The following DNAAF9 variants were observed in gnomAD, a reference collection of about 807,000 sequenced individuals.
DNAAF9 encodes dynein axonemal assembly factor 9, also known as shulin.
Under a neutral mutation model 167.0 loss-of-function variants are expected in DNAAF9, and 90 were observed. The observed-to-expected ratio is 0.54, with a 90% confidence interval of 0.45 to 0.64. The LOEUF (loss-of-function observed/expected upper bound fraction) is 0.64. DNAAF9 is among the 30% of genes least tolerant of loss of function. The pLI is 0.00. For synonymous variants in DNAAF9, 491 were observed against 508.8 expected, an observed-to-expected ratio of 0.96 and a Z score of 0.47; for missense variants, 1,315 against 1,442.2, an observed-to-expected ratio of 0.91 and a Z score of 1.43.
intron 23 of DNAAF9, chr20:3,296,296 G>A (rs926158613): frequency 5.2e-6 from 2 of 383,370 alleles, no homozygotes; most frequent in African/African-American, 2.1e-5. Flanking sequence ...GACGGGCCCG[G>A]CGCCCAACAC....
intron 16 of DNAAF9, among the ~76,000 whole-genome samples, chr20:3,319,960 T>A (rs575056419): frequency 6.6e-6 from 1 of 152,202 alleles, no homozygotes; most frequent in Non-Finnish European, 1.5e-5. Flanking sequence ...GGCAATCCTA[T>A]GTCTTTGGTT....
At position 3,376,291 on chromosome 20, in the gene DNAAF9, A is replaced by G. The variant is rs1425783297; in HGVS notation, c.295T>C (p.Leu99=). The change falls in exon 4 of 37, where the codon TTG becomes CTG. Residue 99 remains leucine (L), a synonymous_variant. Coordinates refer to ENST00000252032, the MANE Select transcript of DNAAF9 (RefSeq NM_001009984.3). ...AGATGGACGCTATCCGATTTAATCA[A>G]TATAATTACATCTGTAAGAAAAACA... ...SEEVLDDVII[L]IKSDSVHLYC... 28 of 1,605,948 alleles carry G rather than the reference A, an allele frequency of 1.7e-5. No individual in the cohort carries two copies. Among genetic ancestry groups the G allele is most frequent in the Non-Finnish European group, 2.0e-5 (24 of 1,176,550 alleles).
At chr20:3,310,388 A>AGAAAGAAAGAAT (rs1491207193) in intron 20 of DNAAF9, among the ~76,000 whole-genome samples, 134 of 151,174 alleles carry the variant, frequency 8.9e-4, no homozygotes, top group Middle Eastern at 3.4e-3. Flanking sequence ...AAAGAAAGAA[A>AGAAAGAAAGAAT]GAATTCCTAA....
In DNAAF9 at chr20:3,340,588, G is replaced by C. The variant is rs369781510; in HGVS notation, c.897C>G (p.Asn299Lys). ...VLFGNHSTRENLNAGNFNFPS... is the reference protein window; with the variant it reads ...VLFGNHSTREKLNAGNFNFPS... Reference sequence around the variant, plus strand: ...GGAAGTTAAAGTTGCCAGCATTCAGGTTTTCTCGTGTGGAGTGATTACCAA... The same window carrying C: ...GGAAGTTAAAGTTGCCAGCATTCAGCTTTTCTCGTGTGGAGTGATTACCAA... Residue 299 changes from asparagine (N) to lysine (K), a missense_variant, in exon 10 of 37, where the codon AAC becomes AAG. By Grantham distance (94) the Asn-to-Lys change is moderately conservative. Transcript: ENST00000252032. 30 of 1,613,774 alleles carry C rather than the reference G, an allele frequency of 1.9e-5. No homozygotes were observed. The African/African-American group carries it at 3.6e-4, about 19-fold the overall frequency.
At position 3,250,172 on chromosome 20, in the gene DNAAF9, G is replaced by A. The variant is rs1419201581; in HGVS notation, c.*2400C>T. ...CTGGGTCCCTGGATCCACTTCTAAG[G>A]TCAAAAGCAGTGTCATGGCCATTCC... On this transcript the variant is annotated 3_prime_UTR_variant, in exon 37 of 37. Transcript: ENST00000252032. 6.6e-6 allele frequency: 1 copy of A among 152,218 alleles called. No homozygotes were observed. Among genetic ancestry groups the A allele is most frequent in the African/African-American group, 2.4e-5 (1 of 41,440 alleles). The allele number at this position is 152,218 out of a possible 1,614,324, so 9.4% of individuals were successfully genotyped here. A position where few individuals can be genotyped will look rare whatever the true frequency, so the allele number is the denominator to read the frequency against.
Position 3,264,480 on chromosome 20 carries a change from C to T in DNAAF9, c.2831G>A (p.Ser944Asn), listed in dbSNP as rs746841970. 6.4e-7 allele frequency: 1 copy of T among 1,570,518 alleles called. No individual in the cohort carries two copies. Among genetic ancestry groups the T allele is most frequent in the Non-Finnish European group, 8.8e-7 (1 of 1,140,442 alleles). The change falls in exon 31 of 37, where the codon AGT (serine) becomes AAT (asparagine). Residue 944 changes from serine (S) to asparagine (N), a missense_variant. By Grantham distance (46) the Ser-to-Asn change is conservative (BLOSUM62 1). Around this residue, in one of 2 missense-constraint regions of DNAAF9, gnomAD observed 334 missense variants for 429.7 expected, o/e 0.78. Transcript: ENST00000252032. ...ELILSENSFSSPEMLRSRYLM... is the reference protein window; with the variant it reads ...ELILSENSFSNPEMLRSRYLM... ...ATATCGAGATCGTAGCATCTCAGGA[C>T]TTGAAAAACTGTTTTCTGAGAGAAT...
At chr20:3,352,596 C>T (rs1045910164) in intron 7 of DNAAF9, among the ~76,000 whole-genome samples, 1 of 152,104 alleles carries the variant, frequency 6.6e-6, no homozygotes, top group African/African-American at 2.4e-5. Flanking sequence ...GGCTGTGTGA[C>T]CCTGGGCAAG....
chr20:3,253,169 C>T (rs111247059), intron 36 of DNAAF9, among the ~76,000 whole-genome samples: 6,350 of 152,166 alleles, frequency 0.042, 196 homozygotes, highest in African/African-American at 0.085. Context: ...AAGCTGGGCG[C>T]GGTGGCTCAT....
intron 1 of DNAAF9, among the ~76,000 whole-genome samples, chr20:3,398,719 T>C (rs1485180483): frequency 6.6e-6 from 1 of 152,240 alleles, no homozygotes; most frequent in Non-Finnish European, 1.5e-5. Flanking sequence ...TATATTGGCA[T>C]TAATCTAGAC....
chr20:3,322,408 G>A lies in DNAAF9; in HGVS notation c.1311-146C>T, dbSNP rs914033248. On this transcript the variant is annotated intron_variant, in intron 15 of 36. Transcript: ENST00000252032. ...TTTCAAAACACTGGGTTGCATGTCT[G>A]TAGAATTGGTATGTGGGCCACTAAG... The A allele has an allele frequency of 2.5e-5, 19 of 761,480 alleles. No individual in the cohort carries two copies. In the African/African-American group the frequency reaches 2.9e-4, roughly 12 times the overall value. The allele number at this position is 761,480 out of a possible 1,614,324, so 47.2% of individuals were successfully genotyped here. A position where few individuals can be genotyped will look rare whatever the true frequency, so the allele number is the denominator to read the frequency against.
intron 1 of DNAAF9, among the ~76,000 whole-genome samples, chr20:3,406,724 C>T (rs574666994): frequency 9.2e-5 from 14 of 152,230 alleles, no homozygotes; most frequent in South Asian, 6.2e-4. Flanking sequence ...GCCTGGCGTC[C>T]GCCGCTTTCG....
At chr20:3,347,391 A>G (rs2070213264) in intron 8 of DNAAF9, among the ~76,000 whole-genome samples, 1 of 152,204 alleles carries the variant, frequency 6.6e-6, no homozygotes. Flanking sequence ...ACCACAAAAA[A>G]ATATTAAAGA....
chr20:3,264,401 A>C (rs764196098), intron 31 of DNAAF9, 37 bp downstream of exon 31: 1 of 918,974 alleles, frequency 1.1e-6, no homozygotes, highest in Admixed American at 2.0e-5. Flanking sequence ...TTGGGTTTAC[A>C]AAAAAATCTT....
chr20:3,357,791 C>G (rs117508471), intron 7 of DNAAF9, among the ~76,000 whole-genome samples: 3 of 151,586 alleles, frequency 2.0e-5, no homozygotes, highest in Non-Finnish European at 4.4e-5. Flanking sequence ...CTCTGCCTCC[C>G]GGGTTCCAGC....
At chr20:3,343,963 A>G (rs1475769969) in intron 8 of DNAAF9, among the ~76,000 whole-genome samples, 1 of 152,140 alleles carries the variant, frequency 6.6e-6, no homozygotes, top group Non-Finnish European at 1.5e-5. Context: ...TAATAGCAAT[A>G]TGAATTTTAG....
At chr20:3,383,001 T>C (rs1016604934) in intron 1 of DNAAF9, among the ~76,000 whole-genome samples, 7 of 152,166 alleles carry the variant, frequency 4.6e-5, no homozygotes, top group African/African-American at 1.7e-4. Flanking sequence ...GCTATCCATA[T>C]AGGGAGTGTC....
chr20:3,395,997 A>G (rs1022654578), intron 1 of DNAAF9, among the ~76,000 whole-genome samples: 1 of 152,158 alleles, frequency 6.6e-6, no homozygotes, highest in Non-Finnish European at 1.5e-5. Context: ...ATGACAGCGA[A>G]TAAGTCCCAT....
intron 8 of DNAAF9, among the ~76,000 whole-genome samples, chr20:3,344,171 T>C (rs554720131): frequency 7.9e-5 from 12 of 152,302 alleles, no homozygotes; most frequent in South Asian, 2.1e-4. Context: ...TACATTAATA[T>C]ATACAAATTC....
At chr20:3,351,270 T>C (rs1401827216) in intron 7 of DNAAF9, among the ~76,000 whole-genome samples, 1 of 152,066 alleles carries the variant, frequency 6.6e-6, no homozygotes, top group Non-Finnish European at 1.5e-5. Flanking sequence ...AGGCAGGCCT[T>C]AGCACCTTAC....
Sources: allele counts gnomAD v4.1 joint callset (sites outside exome capture counted in the v4.1 genomes callset), GRCh38; gene constraint gnomAD v4.1.1; regional missense constraint gnomAD v4.1.1; transcripts MANE v1.5; gene names NCBI Gene and HGNC (gene_info 2026-07-23, HGNC 2026-07-21).